RABGAP1L: variants seen among roughly 807,000 people sequenced by gnomAD.
The protein encoded by RABGAP1L is RAB GTPase activating protein 1 like, also known as rab GTPase-activating protein 1-like.
RABGAP1L carries 63 observed loss-of-function variants against 137.7 expected under a neutral mutation model. That is an observed-to-expected ratio of 0.46 (90% CI 0.37 to 0.56). The LOEUF (loss-of-function observed/expected upper bound fraction) is 0.56, where lower values mean the gene tolerates loss of function less well. RABGAP1L is among the 20% of genes least tolerant of loss of function. RABGAP1L has a pLI of 0.00. For missense variants in RABGAP1L, 1,095 were observed against 1,244.0 expected (o/e 0.88, Z 1.80); for synonymous variants, 431 against 433.7 (o/e 0.99, Z 0.08).
At chr1:174,476,608 G>A (rs916471694) in intron 13 of RABGAP1L, among the ~76,000 whole-genome samples, 10 of 152,106 alleles carry the variant, frequency 6.6e-5, no homozygotes, top group African/African-American at 2.4e-4. Context: ...TGGCACTATT[G>A]GGAAATGATA....
intron 13 of RABGAP1L, among the ~76,000 whole-genome samples, chr1:174,399,709 C>T (rs966960902): frequency 2.0e-5 from 3 of 152,050 alleles, no homozygotes; most frequent in East Asian, 1.9e-4. Flanking sequence ...ACAATCGTGG[C>T]GGAAAGGGAA....
At chr1:174,272,095 C>T (rs1275875928) in intron 7 of RABGAP1L, among the ~76,000 whole-genome samples, 2 of 151,876 alleles carry the variant, frequency 1.3e-5, no homozygotes, top group African/African-American at 4.8e-5. Context: ...CAAATAAAAT[C>T]TCTTATCTCC....
At chr1:174,967,853 G>A (rs2149361465) in intron 20 of RABGAP1L, among the ~76,000 whole-genome samples, 1 of 151,692 alleles carries the variant, frequency 6.6e-6, no homozygotes, top group Admixed American at 6.6e-5. Context: ...AAGTGATTTG[G>A]GATTGTTTTT....
chr1:174,631,122 C>T (rs1673347723), intron 13 of RABGAP1L, among the ~76,000 whole-genome samples: 1 of 105,332 alleles, frequency 9.5e-6, no homozygotes, highest in Non-Finnish European at 1.9e-5. Flanking sequence ...CAAAGAACAT[C>T]TTTATTTCTG....
intron 19 of RABGAP1L, among the ~76,000 whole-genome samples, chr1:174,845,050 G>A (rs1363696931): frequency 3.4e-4 from 50 of 148,794 alleles, no homozygotes; most frequent in Non-Finnish European, 3.6e-4. Context: ...GTATAAGAAT[G>A]CTTGTGATTT....
At chr1:174,922,179 G>A (rs963003171) in intron 19 of RABGAP1L, 1 of 152,232 alleles carries the variant, frequency 6.6e-6, no homozygotes, top group Admixed American at 6.6e-5. Flanking sequence ...AGCTTCATAA[G>A]AACAATTCCT....
intron 11 of RABGAP1L, among the ~76,000 whole-genome samples, chr1:174,362,754 G>A (rs755365334): frequency 7.9e-5 from 12 of 152,032 alleles, no homozygotes; most frequent in Non-Finnish European, 1.8e-4. Flanking sequence ...ATAGTGTTTT[G>A]TTGTTGTTGT....
Position 174,989,052 on chromosome 1 carries a change from A to T in RABGAP1L, c.3003+214A>T, listed in dbSNP as rs191015160. 8.5e-5 allele frequency among the ~76,000 whole-genome samples: 13 copies of T among 152,314 alleles called. No homozygotes were observed. The East Asian group carries it at 2.1e-3, about 25-fold the overall frequency. On this transcript the variant is annotated intron_variant, in intron 25 of 25. Transcript: ENST00000681986. ...TTTAAATGAAATTTTAATAATTAAA[A>T]TTATATCTTATGGGAATTTAATTAA...
chr1:174,670,570 G>T (rs551899957), intron 14 of RABGAP1L, among the ~76,000 whole-genome samples: 53 of 152,020 alleles, frequency 3.5e-4, no homozygotes, highest in Non-Finnish European at 5.4e-4. Context: ...TCAGCCTCTG[G>T]TAACCATCCT....
At chr1:174,401,904 T>A (rs748572143) in intron 13 of RABGAP1L, among the ~76,000 whole-genome samples, 1 of 152,096 alleles carries the variant, frequency 6.6e-6, no homozygotes, top group African/African-American at 2.4e-5. Context: ...GGCAATGCCA[T>A]ACATAAACAC....
chr1:174,957,570 C>G (rs762447976), intron 20 of RABGAP1L, 21 bp downstream of exon 20: 1 of 1,565,948 alleles, frequency 6.4e-7, no homozygotes. Context: ...TATGTTGCAC[C>G]TATCAAAGTA....
At chr1:174,475,893 A>G (rs1658454193) in intron 13 of RABGAP1L, among the ~76,000 whole-genome samples, 1 of 151,786 alleles carries the variant, frequency 6.6e-6, no homozygotes, top group African/African-American at 2.4e-5. Flanking sequence ...GATGAACATT[A>G]TAACTTATTA....
chr1:174,579,292 A>G (rs918740836), intron 13 of RABGAP1L, among the ~76,000 whole-genome samples: 2 of 152,168 alleles, frequency 1.3e-5, no homozygotes, highest in Non-Finnish European at 1.5e-5. Flanking sequence ...TGGAGACCAG[A>G]TGACTAGTAG....
chr1:174,420,950 C>T (rs928085593), intron 13 of RABGAP1L, among the ~76,000 whole-genome samples: 15 of 152,110 alleles, frequency 9.9e-5, no homozygotes, highest in African/African-American at 3.4e-4. Context: ...GCTGGGATTA[C>T]AGGTGTGAGC....
chr1:174,306,006 C>T (rs1472521917), intron 11 of RABGAP1L, among the ~76,000 whole-genome samples: 3 of 152,124 alleles, frequency 2.0e-5, no homozygotes, highest in East Asian at 3.9e-4. Flanking sequence ...TGAGTGAGAA[C>T]ATGCGGTGTT....
At chr1:174,170,316 G>A (rs1278282664) in intron 1 of RABGAP1L, among the ~76,000 whole-genome samples, 1 of 152,102 alleles carries the variant, frequency 6.6e-6, no homozygotes, top group Non-Finnish European at 1.5e-5. Flanking sequence ...ATATGAGGTA[G>A]GAACGATTAT....
intron 11 of RABGAP1L, among the ~76,000 whole-genome samples, chr1:174,349,045 G>GGGGT (rs1553278346): frequency 4.1e-5 from 1 of 24,690 alleles, no homozygotes; most frequent in Non-Finnish European, 9.1e-5. Flanking sequence ...CTGGCCGGGC[G>GGGGT]GGGGGGGGGC....
At chr1:174,389,250 GC>G (rs1268480260) in intron 12 of RABGAP1L, among the ~76,000 whole-genome samples, 1 of 151,870 alleles carries the variant, frequency 6.6e-6, no homozygotes, top group Non-Finnish European at 1.5e-5. Flanking sequence ...CTTTCTTGAT[GC>G]CACCTCATCT....
intron 5 of RABGAP1L, among the ~76,000 whole-genome samples, chr1:174,242,757 G>T (rs911102042): frequency 6.6e-6 from 1 of 152,098 alleles, no homozygotes; most frequent in Non-Finnish European, 1.5e-5. Flanking sequence ...TTTGTGTTTT[G>T]TTTTTTAGAT....
Sources: allele counts gnomAD v4.1 joint callset (sites outside exome capture counted in the v4.1 genomes callset), GRCh38; gene constraint gnomAD v4.1.1; transcripts MANE v1.5; gene names NCBI Gene and HGNC (gene_info 2026-07-23, HGNC 2026-07-21).